AHSA1: variants seen among roughly 807,000 people sequenced by gnomAD.
The protein encoded by AHSA1 is activator of HSP90 ATPase activity 1, also known as activator of 90 kDa heat shock protein ATPase homolog 1.
A neutral mutation model predicts 46.1 loss-of-function variants in AHSA1; 14 were observed. That is an observed-to-expected ratio of 0.30 (90% confidence interval 0.20 to 0.47). AHSA1 has a LOEUF of 0.47. Among genes scored for constraint, AHSA1 ranks in the 20% least tolerant of loss-of-function variants. The pLI is 0.99. For synonymous variants in AHSA1, 147 were observed against 145.8 expected (o/e 1.01, Z -0.06); for missense variants, 333 against 415.9 (o/e 0.80, Z 1.73).
At chr14:77,462,418 C>G in intron 3 of AHSA1, 176 bp downstream of exon 3, 1 of 729,652 alleles carries the variant, frequency 1.4e-6, no homozygotes, top group Non-Finnish European at 2.3e-6. Flanking sequence ...GCAATTTGCA[C>G]TTCTTTAATT....
upstream of AHSA1, chr14:77,458,065 A>G (rs143529086): frequency 9.4e-4 from 735 of 783,540 alleles, 5 homozygotes; most frequent in African/African-American, 0.012. Context: ...AGGGAAAAGC[A>G]AGCCAGGAGG....
intron 3 of AHSA1, 189 bp downstream of exon 3, chr14:77,462,431 T>G: frequency 1.4e-6 from 1 of 718,728 alleles, no homozygotes; most frequent in Non-Finnish European, 2.3e-6. Flanking sequence ...CTTTAATTTC[T>G]TCACTTTAGC....
intron 2 of AHSA1, among the ~76,000 whole-genome samples, chr14:77,461,757 CATGG>C (rs2079026100): frequency 6.6e-6 from 1 of 152,230 alleles, no homozygotes; most frequent in Non-Finnish European, 1.5e-5. Flanking sequence ...TAGTGTTTCT[CATGG>C]ATGGAGTCAC....
At chr14:77,458,048 G>C (rs978170545), upstream of AHSA1, 2 of 622,384 alleles carry the variant, frequency 3.2e-6, no homozygotes, top group Middle Eastern at 4.4e-4. Flanking sequence ...AGGAGGGGAG[G>C]GGGTGGAGGG....
In AHSA1 at chr14:77,464,094, A is replaced by G. The variant is rs373939743; in HGVS notation, c.473-504A>G. Among the ~76,000 whole-genome samples the G allele has an allele frequency of 1.6e-4, 24 of 152,330 alleles. No individual in the cohort carries two copies. In the South Asian group the frequency reaches 5.0e-3, roughly 32 times the overall value. On this transcript the variant is annotated intron_variant, in intron 4 of 8. Coordinates refer to ENST00000216479, the MANE Select transcript of AHSA1 (RefSeq NM_012111.3). ...AGGATAAGCTTTTAAAAATAATCCC[A>G]GTGGCCAGGTGCAGTGGCTCACACC...
At chr14:77,467,630 G>A (rs546349801) in intron 6 of AHSA1, among the ~76,000 whole-genome samples, 105 of 152,306 alleles carry the variant, frequency 6.9e-4, no homozygotes, top group African/African-American at 2.3e-3. Flanking sequence ...GACGGGCGGA[G>A]GTTGCGTGAG....
intron 2 of AHSA1, 54 bp downstream of exon 2, chr14:77,459,860 A>T: frequency 6.3e-7 from 1 of 1,592,352 alleles, no homozygotes; most frequent in Non-Finnish European, 8.6e-7. Context: ...TTAACCTGTT[A>T]AGTAGCTGGA....
At chr14:77,462,391 C>T (rs1430289701) in intron 3 of AHSA1, 149 bp downstream of exon 3, 4 of 821,240 alleles carry the variant, frequency 4.9e-6, no homozygotes, top group East Asian at 2.7e-5. Context: ...CATATGGTGC[C>T]ATTGGAAACT....
chr14:77,468,599 G>A, intron 8 of AHSA1, 91 bp downstream of exon 8: 2 of 1,171,346 alleles, frequency 1.7e-6, no homozygotes, highest in Non-Finnish European at 2.4e-6. Flanking sequence ...GGGTCTCACT[G>A]TCACTCAGGC....
chr14:77,468,562 A>ATT (rs36001778), intron 8 of AHSA1, 54 bp downstream of exon 8: 76,038 of 1,064,160 alleles, frequency 0.071, 41 homozygotes, highest in East Asian at 0.12. Flanking sequence ...CTTTGCTGTA[A>ATT]TTTTTTTTTT....
At position 77,459,777 on chromosome 14, in the gene AHSA1, A is replaced by T. The variant is rs1159757136; in HGVS notation, c.242A>T (p.Tyr81Phe). Residue 81 changes from tyrosine (Y) to phenylalanine (F), a missense_variant, in exon 2 of 9, where the codon TAT becomes TTT. Tyr to Phe is a conservative substitution (Grantham distance 22). Transcript: ENST00000216479. ...NNRKGKLIFF[Y>F]EWSVKLNWTG... ...CGCAAAGGGAAACTTATCTTCTTTTATGAATGGAGCGTCAAACTAAACTGG... is the reference window on the plus strand; with the variant it reads ...CGCAAAGGGAAACTTATCTTCTTTTTTGAATGGAGCGTCAAACTAAACTGG... 5.0e-6 allele frequency: 8 copies of T among 1,614,226 alleles called. No homozygotes were observed. Among genetic ancestry groups the T allele is most frequent in the Non-Finnish European group, 6.8e-6 (8 of 1,180,048 alleles).
chr14:77,469,012 TG>T, intron 8 of AHSA1, 64 bp from the exon 9 acceptor site: 1 of 1,581,298 alleles, frequency 6.3e-7, no homozygotes, highest in South Asian at 1.1e-5. Context: ...CCAGCCAGGT[TG>T]CCCCAGTCTT....
At chr14:77,458,072 G>C (rs2078993209), upstream of AHSA1, 1 of 827,990 alleles carries the variant, frequency 1.2e-6, no homozygotes, top group Admixed American at 3.8e-5. Context: ...AGCAAGCCAG[G>C]AGGTGCTTGC....
chr14:77,464,447 G>A, intron 4 of AHSA1, 151 bp from the exon 5 acceptor site: 1 of 659,308 alleles, frequency 1.5e-6, no homozygotes, highest in South Asian at 1.9e-5. Context: ...GTCTGGCATA[G>A]GCCAAAAGTA....
chr14:77,461,032 G>A (rs1288762187), intron 2 of AHSA1, among the ~76,000 whole-genome samples: 1 of 151,790 alleles, frequency 6.6e-6, no homozygotes, highest in African/African-American at 2.4e-5. Context: ...GGTGGCATGT[G>A]CCTGTAGTCC....
chr14:77,462,819 T>C (rs1471136451), intron 4 of AHSA1, 60 bp downstream of exon 4: 1 of 1,439,656 alleles, frequency 6.9e-7, no homozygotes, highest in East Asian at 2.3e-5. Flanking sequence ...TAGACTCTGG[T>C]TAAGGGCCTG....
intron 4 of AHSA1, chr14:77,462,986 A>G (rs1489604889): frequency 4.6e-6 from 2 of 430,412 alleles, no homozygotes; most frequent in Admixed American, 3.4e-5. Context: ...CCAAACTGAA[A>G]TGTACTGTGA....
intron 8 of AHSA1, 73 bp downstream of exon 8, chr14:77,468,581 T>TC: frequency 7.8e-7 from 1 of 1,279,450 alleles, no homozygotes; most frequent in South Asian, 1.3e-5. Flanking sequence ...TTTTTTTTTT[T>TC]GGAAACAGGG....
chr14:77,468,442 G>A lies in AHSA1; in HGVS notation c.793-15G>A, dbSNP rs1180185233. 4.3e-6 allele frequency: 7 copies of A among 1,610,314 alleles called. No homozygotes were observed. Among genetic ancestry groups the A allele is most frequent in the African/African-American group, 4.0e-5 (3 of 74,666 alleles). ...TGTAGTATATAATATAGACTGAGCT[G>A]TTTGATTATTTTAGGTCCCTGAGAA... On this transcript the variant is annotated splice_polypyrimidine_tract_variant and intron_variant, in intron 7 of 8. Transcript: ENST00000216479.
Sources: gnomAD v4.1 joint callset for allele counts (sites outside exome capture counted in the v4.1 genomes callset) on GRCh38, gnomAD v4.1.1 for gene constraint, MANE v1.5 for transcripts, NCBI Gene and HGNC (gene_info 2026-07-23, HGNC 2026-07-21) for gene names.